PCNT: variants seen among roughly 807,000 people sequenced by gnomAD.
The protein encoded by PCNT is pericentrin.
Under a neutral mutation model 380.4 loss-of-function variants are expected in PCNT, and 319 were observed. That is an observed-to-expected ratio of 0.84 (90% confidence interval 0.77 to 0.92). The LOEUF is 0.92. Ranked by LOEUF, PCNT falls within the 40% of genes least tolerant of loss-of-function variation. The probability of loss-of-function intolerance (pLI) is 0.00; values close to 1 mark genes in which losing one functional copy is unlikely to be tolerated. For synonymous variants in PCNT, 1,845 were observed against 1,735.2 expected (o/e 1.06, Z -1.57); for missense variants, 4,400 against 4,255.3 (o/e 1.03, Z -0.95).
At chr21:46,397,080 T>C (rs2086234625) in intron 21 of PCNT, among the ~76,000 whole-genome samples, 185 bp from the exon 22 acceptor site, 1 of 152,210 alleles carries the variant, frequency 6.6e-6, no homozygotes, top group Non-Finnish European at 1.5e-5. Flanking sequence ...CTCAGAAGTA[T>C]TCTTCTCAGG....
Position 46,351,474 on chromosome 21 carries a change from C to A in PCNT, c.1390C>A (p.Gln464Lys), listed in dbSNP as rs1236066548. The A allele has an allele frequency of 6.2e-7, 1 of 1,613,446 alleles. No homozygotes were observed. Among genetic ancestry groups the A allele is most frequent in the South Asian group, 1.1e-5 (1 of 91,068 alleles). ...ASYEDLKAQS[Q>K]EEIRRLWSQL... ...ATATGAAGACCTGAAGGCACAATCA[C>A]AAGAAGAGATCAGGCGCTTGTGGTC... Residue 464 changes from glutamine (Q) to lysine (K), a missense_variant, in exon 9 of 47, where the codon CAA becomes AAA. Gln to Lys is a moderately conservative substitution (Grantham distance 53). Transcript: ENST00000359568.
At position 46,432,128 on chromosome 21, in the gene PCNT, C is replaced by T; in HGVS notation, c.8664C>T (p.Arg2888=). Residue 2888 remains arginine, a synonymous_variant, in exon 38 of 47, where the codon CGC becomes CGT. Transcript: ENST00000359568. The part of the protein sequence containing the change: ...SHPRLKEQEG[R]KAARRSAEAR... ...CACGGTTGAAAGAGCAAGAAGGACG[C>T]AAGGCTGCGAGGAGGAGCGCGGAGG... 6.2e-7 allele frequency: 1 copy of T among 1,614,066 alleles called. No individual in the cohort carries two copies. Among genetic ancestry groups the T allele is most frequent in the Non-Finnish European group, 8.5e-7 (1 of 1,180,044 alleles).
intron 3 of PCNT, among the ~76,000 whole-genome samples, chr21:46,339,135 C>T (rs755245624): frequency 3.9e-5 from 6 of 152,274 alleles, no homozygotes; most frequent in South Asian, 2.1e-4. Context: ...AGGCTGATCT[C>T]GAACTCATGA....
At chr21:46,418,064 G>A (rs1293749246) in intron 30 of PCNT, 140 bp from the exon 31 acceptor site, 1 of 660,020 alleles carries the variant, frequency 1.5e-6, no homozygotes, top group East Asian at 2.7e-5. Flanking sequence ...TTCGACCTGT[G>A]TGTTCACCAG....
chr21:46,360,309 G>A (rs1601835308), intron 13 of PCNT, among the ~76,000 whole-genome samples: 1 of 131,816 alleles, frequency 7.6e-6, no homozygotes, highest in Non-Finnish European at 1.5e-5. Context: ...TGCAACCTCT[G>A]CCTCCCGGGT....
In PCNT at chr21:46,367,150, A is replaced by C. The variant is rs761940107; in HGVS notation, c.3165+11A>C. ...CAGGGAGTGCACCAGGTAAGGCGCC[A>C]GGGCCCTGCCCCAGCCCAGGGCAGG... On this transcript the variant is annotated intron_variant, in intron 15 of 46. Transcript: ENST00000359568. The C allele has an allele frequency of 6.2e-7, 1 of 1,609,660 alleles. No homozygotes were observed. The highest frequency in any genetic ancestry group is 1.7e-5 in the Admixed American group (1 of 59,978).
chr21:46,392,769 C>T (rs2086076968), intron 21 of PCNT, among the ~76,000 whole-genome samples: 1 of 152,154 alleles, frequency 6.6e-6, no homozygotes, highest in Non-Finnish European at 1.5e-5. Context: ...CACACTTTGT[C>T]CTCTCCTTTT....
chr21:46,369,755 T>C (rs2085051875), intron 15 of PCNT, among the ~76,000 whole-genome samples: 1 of 152,190 alleles, frequency 6.6e-6, no homozygotes, highest in Non-Finnish European at 1.5e-5. Context: ...TCTGGATGTT[T>C]CCTGGACGGA....
intron 41 of PCNT, among the ~76,000 whole-genome samples, chr21:46,438,669 A>ATTT (rs34152810): frequency 1.6e-5 from 2 of 127,574 alleles, no homozygotes; most frequent in Non-Finnish European, 3.3e-5. Flanking sequence ...GTGATTTATA[A>ATTT]TTTTTTTTTT....
chr21:46,441,405 G>A (rs1397074502), intron 43 of PCNT, among the ~76,000 whole-genome samples: 4 of 152,200 alleles, frequency 2.6e-5, no homozygotes, highest in African/African-American at 4.8e-5. Flanking sequence ...AACACTGTGC[G>A]GCTGTGCCTG....
Position 46,374,803 on chromosome 21 carries a change from C to T in PCNT, c.3166-6891C>T, listed in dbSNP as rs568287967. ...GGTGGAGGTTGTGGTGAGCCAAGAT[C>T]GTGCCGTTGCACTCCAGCCTGGGCA... On this transcript the variant is annotated intron_variant, in intron 15 of 46. Coordinates refer to ENST00000359568, the MANE Select transcript of PCNT (RefSeq NM_006031.6). Among the ~76,000 whole-genome samples, 7 of 141,464 alleles carry T rather than the reference C, an allele frequency of 4.9e-5. No individual in the cohort carries two copies. The South Asian group carries it at 6.6e-4, about 13-fold the overall frequency. The allele number at this position is 141,464 out of a possible 152,430, so 92.8% of individuals were successfully genotyped here.
In PCNT at chr21:46,368,272, C is replaced by T. The variant is rs544069105; in HGVS notation, c.3165+1133C>T. ...CATCCTGGCTAACACGGTGAAACCC[C>T]GTCTCTACTAAAAATCCAAAAAAAA... On this transcript the variant is annotated intron_variant, in intron 15 of 46. Transcript: ENST00000359568. Among the ~76,000 whole-genome samples, 31 of 152,202 alleles carry T rather than the reference C, an allele frequency of 2.0e-4. No individual in the cohort carries two copies. The South Asian group carries it at 2.1e-3, about 10-fold the overall frequency.
At chr21:46,376,420 G>T (rs866860617) in intron 15 of PCNT, among the ~76,000 whole-genome samples, 13 of 152,188 alleles carry the variant, frequency 8.5e-5, no homozygotes, top group Non-Finnish European at 1.5e-4. Context: ...GCAGAGGTTT[G>T]CCCTCGGGCC....
At position 46,391,214 on chromosome 21, in the gene PCNT, G is replaced by A. The variant is rs907939251; in HGVS notation, c.4054G>A (p.Ala1352Thr). 6.2e-7 allele frequency: 1 copy of A among 1,609,718 alleles called. No homozygotes were observed. The highest frequency in any genetic ancestry group is 8.5e-7 in the Non-Finnish European group (1 of 1,178,216). ...VETADLKEVL[A>T]GKEDSEHRLV... The stretch of plus-strand genomic sequence containing the variant: ...GACAGCAGATCTGAAGGAGGTGCTG[G>A]CCGGGAAGGAGGATTCCGAGCACCG... The change falls in exon 21 of 47, where the codon GCC becomes ACC. Residue 1352 changes from alanine to threonine, a missense_variant. Coordinates refer to ENST00000359568, the MANE Select transcript of PCNT (RefSeq NM_006031.6).
intron 41 of PCNT, 103 bp from the exon 42 acceptor site, chr21:46,439,980 T>C: frequency 2.1e-6 from 3 of 1,428,522 alleles, no homozygotes; most frequent in East Asian, 4.6e-5. Context: ...CAGCCTGGCC[T>C]CCCCGCACAT....
chr21:46,423,881 GCACCTC>G (rs1330049728), intron 32 of PCNT, among the ~76,000 whole-genome samples: 9 of 151,998 alleles, frequency 5.9e-5, no homozygotes, highest in Admixed American at 2.6e-4. Flanking sequence ...TGTCCAGGGA[GCACCTC>G]CAGCTTTGAA....
intron 16 of PCNT, 83 bp from the exon 17 acceptor site, chr21:46,385,749 T>C: frequency 6.9e-7 from 1 of 1,449,226 alleles, no homozygotes; most frequent in Non-Finnish European, 9.7e-7. Context: ...TCTCAAATAC[T>C]GAAATTGTGT....
chr21:46,410,163 C>G (rs769017860), intron 27 of PCNT, among the ~76,000 whole-genome samples: 106 of 152,314 alleles, frequency 7.0e-4, no homozygotes, highest in Middle Eastern at 3.4e-3. Context: ...GAATGTGCAG[C>G]GGGCATTCCT....
chr21:46,388,722 A>G lies in PCNT; in HGVS notation c.3465-20A>G, dbSNP rs367923520. 2.5e-6 allele frequency: 4 copies of G among 1,613,126 alleles called. No homozygotes were observed. Among genetic ancestry groups the G allele is most frequent in the African/African-American group, 1.3e-5 (1 of 74,886 alleles). ...TATGCCGTGACCAGCTTGCCTGATG[A>G]TGGGTGTCTCCTGTCTCAGAGGGGC... On this transcript the variant is annotated intron_variant, in intron 17 of 46. Transcript: ENST00000359568. This position sits in a 1 kb window ranked among gnomAD's most constrained non-coding sequence, Gnocchi z 4.2.
Sources: allele counts gnomAD v4.1 joint callset (sites outside exome capture counted in the v4.1 genomes callset), GRCh38; gene constraint gnomAD v4.1.1; non-coding constraint Gnocchi (gnomAD v3.1); transcripts MANE v1.5; gene names NCBI Gene and HGNC (gene_info 2026-07-23, HGNC 2026-07-21).